TCERG1L: variants seen among roughly 807,000 people sequenced by gnomAD.
The protein encoded by TCERG1L is transcription elongation regulator 1-like protein.
TCERG1L carries 37 observed loss-of-function variants against 56.3 expected under a neutral mutation model. That is an observed-to-expected ratio of 0.66 (90% CI 0.51 to 0.87). The LOEUF is 0.87. TCERG1L is among the 40% of genes least tolerant of loss of function. The pLI is 0.00. For synonymous variants in TCERG1L, 324 were observed against 326.3 expected (o/e 0.99, Z 0.08); for missense variants, 799 against 774.2 (o/e 1.03, Z -0.38).
intron 3 of TCERG1L, among the ~76,000 whole-genome samples, chr10:131,293,519 T>C (rs1846656308): frequency 6.6e-6 from 1 of 150,914 alleles, no homozygotes. Flanking sequence ...ATAACCCCCC[T>C]CCGGCTGGGA....
chr10:131,225,334 C>T (rs1845779846), intron 4 of TCERG1L, among the ~76,000 whole-genome samples: 2 of 152,164 alleles, frequency 1.3e-5, no homozygotes, highest in Non-Finnish European at 2.9e-5. Flanking sequence ...AAGCATGCTA[C>T]AGACAGGATC....
chr10:131,154,695 A>C (rs1845900351), intron 6 of TCERG1L, among the ~76,000 whole-genome samples: 1 of 152,168 alleles, frequency 6.6e-6, no homozygotes, highest in Non-Finnish European at 1.5e-5. Context: ...GAGCGCAGGG[A>C]GACCTCCCTC....
chr10:131,172,873 A>G (rs1017051355), intron 4 of TCERG1L, among the ~76,000 whole-genome samples: 61 of 150,868 alleles, frequency 4.0e-4, no homozygotes, highest in Non-Finnish European at 8.7e-4. Context: ...ATTGTTGTAG[A>G]GAGAATAATC....
In TCERG1L at chr10:131,311,436, G is replaced by A. The variant is rs2133050865; in HGVS notation, c.200C>T (p.Pro67Leu). ...VVPPVLLASA[P>L]PPAAPLLPGL... ...GGGGAGCAGCGGGGCCGCGGGCGGC[G>A]GGGCCGAGGCGAGCAGCACCGGGGG... Residue 67 changes from proline (P) to leucine (L), a missense_variant, in exon 1 of 12, where the codon CCG becomes CTG. Pro to Leu is a moderately conservative substitution (Grantham distance 98). Transcript: ENST00000368642. The surrounding 1 kb of genome is among the most constrained non-coding windows in gnomAD (Gnocchi z 4.0). 3 of 1,176,710 alleles carry A rather than the reference G, an allele frequency of 2.5e-6. No individual in the cohort carries two copies. The highest frequency in any genetic ancestry group is 3.8e-5 in the East Asian group (1 of 26,032). The allele number at this position is 1,176,710 out of a possible 1,614,324, so 72.9% of individuals were successfully genotyped here.
At chr10:131,173,785 C>T (rs1407040808) in intron 4 of TCERG1L, among the ~76,000 whole-genome samples, 1 of 152,190 alleles carries the variant, frequency 6.6e-6, no homozygotes, top group Non-Finnish European at 1.5e-5. Context: ...TCCCTAAATG[C>T]CCTTCTCCAG....
chr10:131,109,552 T>A (rs1845390159), intron 9 of TCERG1L, among the ~76,000 whole-genome samples: 1 of 152,086 alleles, frequency 6.6e-6, no homozygotes, highest in African/African-American at 2.4e-5. Context: ...TCTTGTTCTG[T>A]CCCCCCGGCT....
At chr10:131,110,009 G>A (rs1845394727) in intron 9 of TCERG1L, among the ~76,000 whole-genome samples, 1 of 152,218 alleles carries the variant, frequency 6.6e-6, no homozygotes, top group Non-Finnish European at 1.5e-5. Context: ...AGGTGTCCTT[G>A]ACTGCAGGTC....
chr10:131,093,619 C>T (rs531826245), intron 11 of TCERG1L, among the ~76,000 whole-genome samples: 9 of 152,336 alleles, frequency 5.9e-5, no homozygotes, highest in South Asian at 4.1e-4. Context: ...CTCCCCCAGC[C>T]GCCCCGATCA....
intron 6 of TCERG1L, among the ~76,000 whole-genome samples, chr10:131,154,111 A>G (rs945790475): frequency 6.6e-6 from 1 of 152,192 alleles, no homozygotes; most frequent in Non-Finnish European, 1.5e-5. Context: ...ATCACACTGT[A>G]TAATTTCTGG....
At chr10:131,101,655 C>G (rs1452268936) in intron 10 of TCERG1L, among the ~76,000 whole-genome samples, 1 of 152,168 alleles carries the variant, frequency 6.6e-6, no homozygotes, top group Admixed American at 6.5e-5. Flanking sequence ...TCCAGTGATT[C>G]TGTCACATAA....
chr10:131,104,215 T>G (rs1038994508), intron 10 of TCERG1L, 50 bp downstream of exon 10: 1 of 1,298,082 alleles, frequency 7.7e-7, no homozygotes, highest in African/African-American at 1.5e-5. Context: ...GATGCAACAG[T>G]CGCTTTCATG....
intron 4 of TCERG1L, among the ~76,000 whole-genome samples, chr10:131,180,110 C>G (rs1167457296): frequency 6.6e-6 from 1 of 152,192 alleles, no homozygotes; most frequent in Non-Finnish European, 1.5e-5. Flanking sequence ...GGGACTCCAG[C>G]ACACAGCTCA....
chr10:131,257,258 G>A (rs1041492498), intron 4 of TCERG1L, among the ~76,000 whole-genome samples: 21 of 152,056 alleles, frequency 1.4e-4, no homozygotes, highest in Non-Finnish European at 2.1e-4. Context: ...ACAGATCCCC[G>A]TGAAGCAGAG....
At chr10:131,215,806 G>T (rs1363124090) in intron 4 of TCERG1L, among the ~76,000 whole-genome samples, 2 of 152,188 alleles carry the variant, frequency 1.3e-5, no homozygotes, top group African/African-American at 4.8e-5. Context: ...CACAGAGAAG[G>T]ACAAACTGAC....
At chr10:131,134,049 C>G (rs2133404017) in intron 8 of TCERG1L, among the ~76,000 whole-genome samples, 1 of 152,322 alleles carries the variant, frequency 6.6e-6, no homozygotes. Flanking sequence ...ACCTCTGACA[C>G]AGCACATGGC....
At chr10:131,245,563 T>C (rs1846023894) in intron 4 of TCERG1L, among the ~76,000 whole-genome samples, 1 of 152,086 alleles carries the variant, frequency 6.6e-6, no homozygotes, top group Admixed American at 6.5e-5. Flanking sequence ...ACAGGAAATA[T>C]GACCAAGCCC....
chr10:131,160,230 C>T (rs578017588), intron 6 of TCERG1L, among the ~76,000 whole-genome samples: 27 of 152,324 alleles, frequency 1.8e-4, no homozygotes, highest in Admixed American at 1.6e-3. Context: ...CCCTCTCATC[C>T]TCATGCTTGC....
intron 4 of TCERG1L, among the ~76,000 whole-genome samples, chr10:131,183,718 CAGG>C (rs1454756261): frequency 6.6e-6 from 1 of 152,218 alleles, no homozygotes; most frequent in Non-Finnish European, 1.5e-5. Context: ...GCTCAGGGCC[CAGG>C]CTCTCTGGAC....
At chr10:131,149,055 C>T (rs1446993780) in intron 6 of TCERG1L, among the ~76,000 whole-genome samples, 1 of 152,252 alleles carries the variant, frequency 6.6e-6, no homozygotes, top group Non-Finnish European at 1.5e-5. Flanking sequence ...CAGCCCTGCC[C>T]TTGACCTACC....
Sources: allele counts gnomAD v4.1 joint callset (sites outside exome capture counted in the v4.1 genomes callset), GRCh38; gene constraint gnomAD v4.1.1; non-coding constraint Gnocchi (gnomAD v3.1); transcripts MANE v1.5; gene names NCBI Gene and HGNC (gene_info 2026-07-23, HGNC 2026-07-21).